Variants in ATP6V1E1 observed in about 807,000 individuals in gnomAD.
ATP6V1E1 encodes the protein V-type proton ATPase subunit E 1.
A neutral mutation model predicts 35.2 loss-of-function variants in ATP6V1E1; 21 were observed. The ratio of observed to expected loss-of-function variants is 0.60; its 90% CI spans 0.42 to 0.86. The LOEUF (loss-of-function observed/expected upper bound fraction) is 0.86, where lower values mean the gene tolerates loss of function less well. ATP6V1E1 is among the 40% of genes least tolerant of loss of function. The pLI, the probability that ATP6V1E1 is intolerant of heterozygous loss-of-function variation, is 0.00. For synonymous variants in ATP6V1E1, 83 were observed against 87.8 expected, an observed-to-expected ratio of 0.95 and a Z score of 0.30; for missense variants, 183 against 272.6, an observed-to-expected ratio of 0.67 and a Z score of 2.32.
At chr22:17,607,250 C>CT (rs1455028175) in intron 4 of ATP6V1E1, among the ~76,000 whole-genome samples, 1 of 151,992 alleles carries the variant, frequency 6.6e-6, no homozygotes, top group Non-Finnish European at 1.5e-5. Context: ...ATCTGACTCC[C>CT]TGGTTCAAGC....
chr22:17,628,652 G>A lies in ATP6V1E1; in HGVS notation c.-17C>T, dbSNP rs2057939788. ...GAGAGCCATGGCGAGAGCAATGCTA[G>A]GCCGGTGAACAGTAGGCTCGAGTTT... On this transcript the variant is annotated 5_prime_UTR_variant, in exon 1 of 9. Coordinates refer to ENST00000253413, the MANE Select transcript of ATP6V1E1 (RefSeq NM_001696.4). 6.2e-7 allele frequency: 1 copy of A among 1,614,198 alleles called. No homozygotes were observed. Among genetic ancestry groups the A allele is most frequent in the Non-Finnish European group, 8.5e-7 (1 of 1,180,042 alleles).
chr22:17,624,995 T>C (rs2057896580), intron 1 of ATP6V1E1, among the ~76,000 whole-genome samples: 1 of 152,058 alleles, frequency 6.6e-6, no homozygotes, highest in African/African-American at 2.4e-5. Flanking sequence ...GCATTTTACT[T>C]TTCCACTGCA....
chr22:17,603,698 T>C (rs140051909), intron 4 of ATP6V1E1, among the ~76,000 whole-genome samples: 5 of 152,300 alleles, frequency 3.3e-5, no homozygotes, highest in Admixed American at 6.5e-5. Context: ...CAAAATATCT[T>C]ATTATGTGTA....
rs372373223 is a variant in ATP6V1E1, at chr22:17,628,158, G to T, written c.33+445C>A. 5.9e-5 allele frequency among the ~76,000 whole-genome samples: 9 copies of T among 152,064 alleles called. No individual in the cohort carries two copies. In the East Asian group the frequency reaches 1.6e-3, roughly 26 times the overall value. ...TTTTCTATTTTTAGTAGAGACCGGG[G>T]TTTCACCATTTTGGCCAGGCTAGTC... On this transcript the variant is annotated intron_variant, in intron 1 of 8. Transcript: ENST00000253413.
At position 17,601,173 on chromosome 22, in the gene ATP6V1E1, T is replaced by A. The variant is rs1349168958; in HGVS notation, c.285A>T (p.Leu95=). 1 of 1,613,198 alleles carries A rather than the reference T, an allele frequency of 6.2e-7. No homozygotes were observed. Among genetic ancestry groups the A allele is most frequent in the Non-Finnish European group, 8.5e-7 (1 of 1,179,358 alleles). The change falls in exon 5 of 9, where the codon CTA becomes CTT. Residue 95 remains leucine (L), a synonymous_variant. Transcript: ENST00000253413. The part of the protein sequence containing the change: ...RARDDLITDL[L]NEAKQRLSKV... ...TGCTGAGTCTCTGTTTTGCTTCATT[T>A]AGTAGGTCCTACAAAGATTAGAAAA...
intron 2 of ATP6V1E1, 105 bp from the exon 3 acceptor site, chr22:17,613,425 A>T: frequency 7.4e-6 from 6 of 809,016 alleles, no homozygotes. Context: ...AATTTCATAT[A>T]TAAAACAGAA....
chr22:17,609,118 C>CAAAACA lies in ATP6V1E1; in HGVS notation c.276+3693_276+3694insTGTTTT, dbSNP rs59590175. 1.5e-3 allele frequency among the ~76,000 whole-genome samples: 162 copies of CAAAACA among 108,638 alleles called. 2 individuals carry two copies. Among genetic ancestry groups the CAAAACA allele is most frequent in the Admixed American group, 5.5e-3 (62 of 11,352 alleles). 71.3% of individuals were successfully genotyped at this position (108,638 alleles called of 152,430 possible). Reference sequence around the variant, plus strand: ...AAAAAACAAAACAAAACAAAACAAACAAACAAACAAACAAACAAAAATTCA... The same window carrying CAAAACA: ...AAAAAACAAAACAAAACAAAACAAACAAAACAAAACAAACAAACAAACAAAAATTCA... On this transcript the variant is annotated intron_variant, in intron 4 of 8. Coordinates refer to ENST00000253413, the MANE Select transcript of ATP6V1E1 (RefSeq NM_001696.4).
chr22:17,618,724 G>GCA (rs2057859413), intron 2 of ATP6V1E1, among the ~76,000 whole-genome samples: 2 of 151,886 alleles, frequency 1.3e-5, no homozygotes, highest in Admixed American at 6.6e-5. Context: ...ATAGGGCTGG[G>GCA]CACGGTGTTT....
At chr22:17,594,032 G>A (rs1179434958) in intron 8 of ATP6V1E1, among the ~76,000 whole-genome samples, 4 of 152,108 alleles carry the variant, frequency 2.6e-5, no homozygotes, top group South Asian at 4.1e-4. Flanking sequence ...GTGAAACCCC[G>A]TCTCTACTAA....
intron 1 of ATP6V1E1, among the ~76,000 whole-genome samples, chr22:17,621,694 T>C (rs9618069): frequency 0.045 from 6,789 of 152,284 alleles, 489 homozygotes; most frequent in African/African-American, 0.15. Context: ...TTTCAGTTCC[T>C]TGAGCTCACC....
At chr22:17,606,787 C>T (rs868120809) in intron 4 of ATP6V1E1, among the ~76,000 whole-genome samples, 15 of 152,180 alleles carry the variant, frequency 9.9e-5, no homozygotes, top group Admixed American at 9.8e-4. Flanking sequence ...ATGTGAAAAA[C>T]GACATCTTGA....
At position 17,601,077 on chromosome 22, in the gene ATP6V1E1, G is replaced by A; in HGVS notation, c.366+15C>T. ...AACTGTGGCTATCAACAGTAGATCT[G>A]GTCTATGAGGGTACCTGGAGAACCA... On this transcript the variant is annotated intron_variant, in intron 5 of 8. Transcript: ENST00000253413. The A allele has an allele frequency of 3.7e-6, 6 of 1,606,626 alleles. No homozygotes were observed. The highest frequency in any genetic ancestry group is 4.1e-4 in the Middle Eastern group (2 of 4,924).
chr22:17,615,063 GA>G (rs1330258124), intron 2 of ATP6V1E1, among the ~76,000 whole-genome samples: 4 of 152,108 alleles, frequency 2.6e-5, no homozygotes, highest in Non-Finnish European at 5.9e-5. Flanking sequence ...AGCAGTTTCG[GA>G]GGCTGAGGCA....
At chr22:17,621,189 T>C (rs1200304969) in intron 1 of ATP6V1E1, among the ~76,000 whole-genome samples, 1 of 152,178 alleles carries the variant, frequency 6.6e-6, no homozygotes, top group African/African-American at 2.4e-5. Flanking sequence ...CCTGCCGCTA[T>C]TCTTGTTGTT....
At chr22:17,594,466 G>A (rs1362635141) in intron 8 of ATP6V1E1, 63 bp downstream of exon 8, 6 of 1,251,684 alleles carry the variant, frequency 4.8e-6, no homozygotes, top group Admixed American at 3.1e-5. Context: ...GAATGGACAC[G>A]TGTTCTCTGT....
Position 17,606,069 on chromosome 22 carries a change from A to T in ATP6V1E1, c.277-4888T>A, listed in dbSNP as rs144470738. 5.6e-4 allele frequency among the ~76,000 whole-genome samples: 85 copies of T among 152,302 alleles called. No homozygotes were observed. The East Asian group carries it at 0.015, about 27-fold the overall frequency. On this transcript the variant is annotated intron_variant, in intron 4 of 8. Transcript: ENST00000253413. ...AAAAACGGAACTTAAACCTCAAAGG[A>T]ATTCCAAAGCCTGCACTCTTAATCC...
chr22:17,620,999 T>G (rs2057873962), intron 1 of ATP6V1E1, among the ~76,000 whole-genome samples: 1 of 152,030 alleles, frequency 6.6e-6, no homozygotes, highest in Non-Finnish European at 1.5e-5. Context: ...GAGGCGAAGC[T>G]TGCAGTGAGC....
intron 1 of ATP6V1E1, among the ~76,000 whole-genome samples, chr22:17,625,415 C>T (rs573420812): frequency 9.9e-5 from 15 of 151,986 alleles, no homozygotes; most frequent in East Asian, 3.9e-4. Context: ...TGCACCACCT[C>T]GCCCGGCTAA....
chr22:17,612,731 A>C, intron 4 of ATP6V1E1, 81 bp downstream of exon 4: 1 of 1,119,754 alleles, frequency 8.9e-7, no homozygotes, highest in Non-Finnish European at 1.3e-6. Context: ...CAACTCCTTA[A>C]TTAATGTTAA....
Sources: gnomAD v4.1 joint callset for allele counts (sites outside exome capture counted in the v4.1 genomes callset) on GRCh38, gnomAD v4.1.1 for gene constraint, MANE v1.5 for transcripts, NCBI Gene and HGNC (gene_info 2026-07-23, HGNC 2026-07-21) for gene names.